The following PLXNA3 variants were observed in gnomAD, a reference collection of about 807,000 sequenced individuals.
PLXNA3 encodes plexin-A3.
Under a neutral mutation model 118.8 loss-of-function variants are expected in PLXNA3, and 52 were observed. The observed-to-expected ratio is 0.44, with a 90% confidence interval of 0.35 to 0.55. The LOEUF (loss-of-function observed/expected upper bound fraction) is 0.55, where lower values mean the gene tolerates loss of function less well. Ranked by LOEUF, PLXNA3 falls within the 20% of genes least tolerant of loss-of-function variation. The pLI is 0.01. For missense variants in PLXNA3, 1,660 were observed against 1,730.8 expected (o/e 0.96, Z 0.73); for synonymous variants, 925 against 762.4 (o/e 1.21, Z -3.51).
chrX:154,459,989 G>A (rs782380568), intron 1 of PLXNA3, among the ~76,000 whole-genome samples, 168 bp from the exon 2 acceptor site: 2 of 112,794 alleles, frequency 1.8e-5, no homozygotes, highest in African/African-American at 3.2e-5. Context: ...AGGGACGATT[G>A]ATGGCCCCCA....
intron 18 of PLXNA3, 39 bp downstream of exon 18, chrX:154,467,189 C>A: frequency 8.3e-7 from 1 of 1,209,614 alleles, no homozygotes; most frequent in East Asian, 3.0e-5. Flanking sequence ...GACCCTGCAG[C>A]CCATGGCTTC....
In PLXNA3 at chrX:154,467,563, G is replaced by T; in HGVS notation, c.3460G>T (p.Ala1154Ser). 8.4e-7 allele frequency: 1 copy of T among 1,187,110 alleles called. No homozygotes were observed. The highest frequency in any genetic ancestry group is 1.1e-6 in the Non-Finnish European group (1 of 883,724). ...VVLKGKNLIP[A>S]AAGSSRLNYT... ...CCCCCAGGGCAAGAACCTGATTCCCGCTGCAGCCGGCAGCTCCCGCCTCAA... is the reference window on the plus strand; with the variant it reads ...CCCCCAGGGCAAGAACCTGATTCCCTCTGCAGCCGGCAGCTCCCGCCTCAA... The change falls in exon 20 of 33, where the codon GCT (alanine) becomes TCT (serine). Residue 1154 changes from alanine (A) to serine (S), a missense_variant. This residue lies in a region of PLXNA3 where 869 missense variants were observed against 1,078.7 expected (regional missense o/e 0.81). Transcript: ENST00000369682.
intron 31 of PLXNA3, 79 bp from the exon 32 acceptor site, chrX:154,471,409 C>CG (rs2069181875): frequency 8.6e-7 from 1 of 1,157,880 alleles, no homozygotes; most frequent in Admixed American, 2.3e-5. Context: ...GCAGGAAGCC[C>CG]GGGGGCTGGC....
At chrX:154,472,191 AG>A (rs2069191967) in intron 32 of PLXNA3, among the ~76,000 whole-genome samples, 1 of 111,375 alleles carries the variant, frequency 9.0e-6, no homozygotes, top group African/African-American at 3.3e-5. Flanking sequence ...CTCACAGGTC[AG>A]GGAGTGGCAG....
intron 19 of PLXNA3, 32 bp downstream of exon 19, chrX:154,467,503 G>GGGGGGGGGGGGC: frequency 1.1e-6 from 1 of 919,283 alleles, no homozygotes; most frequent in Non-Finnish European, 1.5e-6. Flanking sequence ...GGAGGGGCGG[G>GGGGGGGGGGGGC]AAAGTGGAGA....
At chrX:154,469,012 GAGGCCTCGCCCC>G in intron 25 of PLXNA3, 32 bp from the exon 26 acceptor site, 2 of 1,209,978 alleles carry the variant, frequency 1.7e-6, no homozygotes, top group Non-Finnish European at 2.2e-6. Flanking sequence ...GGTGCAGAGA[GAGGCCTCGCCCC>G]AGACTGACAC....
chrX:154,466,022 C>T lies in PLXNA3; in HGVS notation c.2620C>T (p.Leu874=), dbSNP rs782794636. 78 of 1,209,056 alleles carry T rather than the reference C, an allele frequency of 6.5e-5. No individual in the cohort carries two copies. The Middle Eastern group carries it at 6.9e-4, about 11-fold the overall frequency. The change falls in exon 14 of 33, where the codon CTG becomes TTG. Residue 874 remains leucine (L), a synonymous_variant. Coordinates refer to ENST00000369682, the MANE Select transcript of PLXNA3 (RefSeq NM_017514.5). Reference sequence around the variant, plus strand: ...GGGCCTCTTGTCCCGAGAGGTGGGCCTGCGGGTGGCTGGCGTGCGTTGCAA... The same window carrying T: ...GGGCCTCTTGTCCCGAGAGGTGGGCTTGCGGGTGGCTGGCGTGCGTTGCAA... ...NLGLLSREVG[L]RVAGVRCNSI...
intron 1 of PLXNA3, among the ~76,000 whole-genome samples, chrX:154,459,531 C>T (rs1468376696): frequency 1.8e-5 from 2 of 112,553 alleles, no homozygotes; most frequent in African/African-American, 3.2e-5. Context: ...TGATGTGTGT[C>T]TGGGTGCGTG....
In PLXNA3 at chrX:154,469,220, G is replaced by A. The variant is rs1218071460; in HGVS notation, c.4594+5G>A. ...AAGCTGAGGACATGGACCTGGGTGA[G>A]GTCCCCACCCTCTCCTCCTGGCTCC... On this transcript the variant is annotated splice_donor_5th_base_variant and intron_variant, in intron 26 of 32. Transcript: ENST00000369682. The A allele has an allele frequency of 2.5e-6, 3 of 1,206,205 alleles. No homozygotes were observed. The African/African-American group carries it at 5.2e-5, about 21-fold the overall frequency.
rs199982509 is a variant in PLXNA3 at position 154,465,447 on chromosome X, T to G, written c.2268T>G (p.His756Gln). 1.6e-4 allele frequency: 187 copies of G among 1,204,188 alleles called. No individual in the cohort carries two copies. The highest frequency in any genetic ancestry group is 1.4e-3 in the Middle Eastern group (6 of 4,339). The change falls in exon 12 of 33, where the codon CAT becomes CAG. Residue 756 changes from histidine to glutamine, a missense_variant. Physicochemically the swap from His to Gln is conservative, Grantham distance 24. This residue lies in a region of PLXNA3 where 869 missense variants were observed against 1,078.7 expected (regional missense o/e 0.81). Transcript: ENST00000369682. The part of the protein sequence containing the change: ...NASYSYEGDE[H>Q]GDTELDFSVV... Reference sequence around the variant, plus strand: ...AGTACTCCTATGAAGGTGATGAGCATGGTGACACCGAGCTGGACTTTTCCG... The same window carrying G: ...AGTACTCCTATGAAGGTGATGAGCAGGGTGACACCGAGCTGGACTTTTCCG...
intron 9 of PLXNA3, 42 bp from the exon 10 acceptor site, chrX:154,464,712 G>A (rs1557206322): frequency 1.1e-6 from 1 of 943,361 alleles, no homozygotes; most frequent in South Asian, 2.3e-5. Flanking sequence ...GTGAGGGGCA[G>A]TGCAGCCTCC....
In PLXNA3 at chrX:154,461,278, C is replaced by CTTGG; in HGVS notation, c.774_775insTTGG (p.Thr259LeufsTer56). The CTTGG allele has an allele frequency of 8.2e-7, 1 of 1,212,481 alleles. No individual in the cohort carries two copies. The highest frequency in any genetic ancestry group is 1.1e-6 in the Non-Finnish European group (1 of 895,530). On this transcript the variant is annotated frameshift_variant, in exon 3 of 33. Coordinates refer to ENST00000369682, the MANE Select transcript of PLXNA3 (RefSeq NM_017514.5). LOFTEE classifies it high-confidence loss of function. ...TGGACACAGCGGGCGAGAAATTTTT[C>CTTGG]ACGTCCAAGATCGTGCGCATGTGCG...
Position 154,464,837 on chromosome X carries a change from C to G in PLXNA3, c.2012C>G (p.Ser671Cys). The change falls in exon 10 of 33, where the codon TCC becomes TGC. Residue 671 changes from serine to cysteine, a missense_variant. Transcript: ENST00000369682. The part of the protein sequence containing the change: ...HTCTSRPHEC[S>C]FQEGRVHSPE... The stretch of plus-strand genomic sequence containing the variant: ...TGTACCAGCCGCCCCCACGAGTGCT[C>G]CTTCCAGGAGGGCAGGGTCCACAGC... 1 of 1,206,307 alleles carries G rather than the reference C, an allele frequency of 8.3e-7. No individual in the cohort carries two copies. The highest frequency in any genetic ancestry group is 1.1e-6 in the Non-Finnish European group (1 of 892,143).
At position 154,461,638 on chromosome X, in the gene PLXNA3, C is replaced by T. The variant is rs201950962; in HGVS notation, c.1134C>T (p.Thr378=). 440 of 1,181,807 alleles carry T rather than the reference C, an allele frequency of 3.7e-4. 2 individuals are homozygous for T. In the East Asian group the frequency reaches 5.0e-3, roughly 13 times the overall value. Residue 378 remains threonine (T), a splice_region_variant and synonymous_variant, in exon 3 of 33, where the codon ACC becomes ACT. Transcript: ENST00000369682. The stretch of plus-strand genomic sequence containing the variant: ...ACAAGGAGCTGCCCTGCATCAACAC[C>T]GTGAGCCCCTCATCACCCCACACTG... ...LLNKELPCIN[T]PMQINGNFCG... is the part of the protein sequence containing the mutation.
chrX:154,463,563 G>GGGGGGGGGGC, intron 5 of PLXNA3, 27 bp from the exon 6 acceptor site: 3 of 990,565 alleles, frequency 3.0e-6, no homozygotes, highest in Non-Finnish European at 4.2e-6. Flanking sequence ...GCGGGGGTGG[G>GGGGGGGGGGC]CTGGGTGCTG....
At position 154,461,577 on chromosome X, in the gene PLXNA3, G is replaced by A. The variant is rs1557204559; in HGVS notation, c.1073G>A (p.Arg358His). Residue 358 changes from arginine (R) to histidine (H), a missense_variant, in exon 3 of 33, where the codon CGT becomes CAT. By Grantham distance (29) the Arg-to-His change is conservative. This residue lies in a region of PLXNA3 where 791 missense variants were observed against 652.1 expected (regional missense o/e 1.21). Transcript: ENST00000369682. Reference protein sequence around the residue: ...HIRRRIQSCYRGEGTLALPWL... With the variant: ...HIRRRIQSCYHGEGTLALPWL... ...CGGCGCCGCATCCAGTCCTGCTATC[G>A]TGGGGAGGGCACTCTGGCTCTGCCC... 1.8e-5 allele frequency: 22 copies of A among 1,206,683 alleles called. No individual in the cohort carries two copies. The highest frequency in any genetic ancestry group is 4.3e-5 in the Admixed American group (2 of 46,134).
Position 154,460,642 on chromosome X carries a change from T to C in PLXNA3, c.459T>C (p.Gly153=), listed in dbSNP as rs151240042. The change falls in exon 2 of 33, where the codon GGT becomes GGC. Residue 153 remains glycine (G), a synonymous_variant. Coordinates refer to ENST00000369682, the MANE Select transcript of PLXNA3 (RefSeq NM_017514.5). ...SGAQEPDSMA[G]VIVEQGQGPS... is the part of the protein sequence containing the mutation. The stretch of plus-strand genomic sequence containing the variant: ...CCCAGGAGCCCGACTCCATGGCTGG[T>C]GTCATTGTGGAGCAGGGCCAGGGGC... The C allele has an allele frequency of 1.6e-4, 185 of 1,179,705 alleles. No homozygotes were observed. In the East Asian group the frequency reaches 4.4e-3, roughly 28 times the overall value.
chrX:154,472,162 C>T (rs1362835021), intron 32 of PLXNA3, among the ~76,000 whole-genome samples: 1 of 111,142 alleles, frequency 9.0e-6, no homozygotes, highest in Admixed American at 9.5e-5. Context: ...GGTCTGGCAA[C>T]CTGAGCCAGT....
chrX:154,466,872 C>T, intron 17 of PLXNA3, 79 bp downstream of exon 17: 7 of 967,150 alleles, frequency 7.2e-6, no homozygotes, highest in Non-Finnish European at 9.8e-6. Flanking sequence ...TCCGGTGGGG[C>T]CCCTCCTGGA....
Sources: allele counts gnomAD v4.1 joint callset (sites outside exome capture counted in the v4.1 genomes callset), GRCh38; gene constraint gnomAD v4.1.1; regional missense constraint gnomAD v4.1.1; transcripts MANE v1.5; gene names NCBI Gene and HGNC (gene_info 2026-07-23, HGNC 2026-07-21).